The following SLC35B1 variants were observed in gnomAD, a reference collection of about 807,000 sequenced individuals.
SLC35B1 encodes solute carrier family 35 member B1, also known as ATP/ADP exchanger ER.
A neutral mutation model predicts 36.6 loss-of-function variants in SLC35B1; 27 were observed. That is an observed-to-expected ratio of 0.74 (90% CI 0.54 to 1.02). SLC35B1 has a LOEUF of 1.02. SLC35B1 is among the 50% of genes least tolerant of loss of function. The pLI, the probability that SLC35B1 is intolerant of heterozygous loss-of-function variation, is 0.00. For missense variants in SLC35B1, 321 were observed against 383.2 expected (o/e 0.84, Z 1.35); for synonymous variants, 162 against 152.5 (o/e 1.06, Z -0.46).
intron 6 of SLC35B1, 133 bp downstream of exon 6, chr17:49,703,967 G>C (rs1426636534): frequency 8.4e-7 from 1 of 1,196,504 alleles, no homozygotes; most frequent in Non-Finnish European, 1.2e-6. Context: ...GTTTCTCAAG[G>C]GCTTGAACAA....
In SLC35B1 at chr17:49,706,346, C is replaced by CAGAAAAAAA; in HGVS notation, c.209-13_209-12insTTTTTTTCT. 1 of 732,216 alleles carries CAGAAAAAAA rather than the reference C, an allele frequency of 1.4e-6. No individual in the cohort carries two copies. The highest frequency in any genetic ancestry group is 3.3e-5 in the African/African-American group (1 of 30,590). The allele number at this position is 732,216 out of a possible 1,614,324, so 45.4% of individuals were successfully genotyped here. On this transcript the variant is annotated splice_polypyrimidine_tract_variant and intron_variant, in intron 2 of 8. Coordinates refer to ENST00000240333, the MANE Select transcript of SLC35B1 (RefSeq NM_005827.4). Reference sequence around the variant, plus strand: ...AAAAAACTGGATCACTGGGAGAAGACAAAAAAAAAAAAAAAAAAAGAAAAG... The same window carrying CAGAAAAAAA: ...AAAAAACTGGATCACTGGGAGAAGACAGAAAAAAAAAAAAAAAAAAAAAAAAAAGAAAAG...
chr17:49,701,942 AAT>A (rs1555590782), intron 8 of SLC35B1: 9 of 409,696 alleles, frequency 2.2e-5, no homozygotes, highest in African/African-American at 4.2e-5. Context: ...AAAAAAAAAA[AAT>A]TGGTCAGGTA....
chr17:49,702,553 A>G, intron 8 of SLC35B1: 1 of 235,786 alleles, frequency 4.2e-6, no homozygotes, highest in Non-Finnish European at 8.5e-6. Flanking sequence ...ACCAACACGG[A>G]GAAACCCCAT....
Position 49,702,855 on chromosome 17 carries a change from T to C in SLC35B1, c.916+3A>G. On this transcript the variant is annotated splice_donor_region_variant and intron_variant, in intron 8 of 8. Coordinates refer to ENST00000240333, the MANE Select transcript of SLC35B1 (RefSeq NM_005827.4). ...GTCACTGTGTCTCTGTGTGGCCACTTACCCAGGAACACAAGCACAGTGCCC... is the reference window on the plus strand; with the variant it reads ...GTCACTGTGTCTCTGTGTGGCCACTCACCCAGGAACACAAGCACAGTGCCC... 1 of 1,612,598 alleles carries C rather than the reference T, an allele frequency of 6.2e-7. No homozygotes were observed. The highest frequency in any genetic ancestry group is 8.5e-7 in the Non-Finnish European group (1 of 1,178,816).
chr17:49,703,097 T>C, intron 7 of SLC35B1, 86 bp from the exon 8 acceptor site: 3 of 1,595,202 alleles, frequency 1.9e-6, no homozygotes, highest in South Asian at 2.2e-5. Context: ...AGGGCTAATC[T>C]TGCCACCCTC....
At position 49,707,949 on chromosome 17, in the gene SLC35B1, G is replaced by A. The variant is rs544003539; in HGVS notation, c.-116C>T. ...GACCGGCGGCAGGGGCCTCATAGGA[G>A]CTGCATGCGACCGCTGTCCAGCAGG... On this transcript the variant is annotated 5_prime_UTR_variant, in exon 1 of 9. Coordinates refer to ENST00000240333, the MANE Select transcript of SLC35B1 (RefSeq NM_005827.4). The A allele has an allele frequency of 1.3e-4, 207 of 1,552,210 alleles. No homozygotes were observed. In the East Asian group the frequency reaches 4.4e-3, roughly 33 times the overall value.
Position 49,707,851 on chromosome 17 carries a change from C to T in SLC35B1, c.-18G>A. 1 of 1,611,034 alleles carries T rather than the reference C, an allele frequency of 6.2e-7. No homozygotes were observed. The highest frequency in any genetic ancestry group is 8.5e-7 in the Non-Finnish European group (1 of 1,179,486). ...GAGGCCATGAGACGCCCAGAGGAGC[C>T]GACTGGAGACCCGCTCACAACCGGC... On this transcript the variant is annotated 5_prime_UTR_variant, in exon 1 of 9. Transcript: ENST00000240333.
rs2073441520 is a variant in SLC35B1 at position 49,707,877 on chromosome 17, A to G, written c.-44T>C. The G allele has an allele frequency of 1.2e-6, 2 of 1,607,842 alleles. No individual in the cohort carries two copies. Among genetic ancestry groups the G allele is most frequent in the African/African-American group, 2.7e-5 (2 of 74,986 alleles). On this transcript the variant is annotated 5_prime_UTR_variant, in exon 1 of 9. Transcript: ENST00000240333. ...GACTGGAGACCCGCTCACAACCGGC[A>G]CCGGCAGCAGCGGCGGCGGAGGCGA...
chr17:49,703,745 A>T, intron 6 of SLC35B1: 1 of 328,072 alleles, frequency 3.0e-6, no homozygotes, highest in Non-Finnish European at 5.9e-6. Flanking sequence ...AAAGCAAATC[A>T]TTCACATTTG....
In SLC35B1 at chr17:49,705,954, T is replaced by C. The variant is rs1201619380; in HGVS notation, c.340-58A>G. 4 of 1,529,768 alleles carry C rather than the reference T, an allele frequency of 2.6e-6. No homozygotes were observed. In the Admixed American group the frequency reaches 5.0e-5, roughly 19 times the overall value. 94.8% of individuals were successfully genotyped at this position (1,529,768 alleles called of 1,614,324 possible). On this transcript the variant is annotated intron_variant, in intron 3 of 8. Coordinates refer to ENST00000240333, the MANE Select transcript of SLC35B1 (RefSeq NM_005827.4). The stretch of plus-strand genomic sequence containing the variant: ...ATCTGTGATGTGTCAGGTACTATGC[T>C]AGGTACCGCACTGATTAAGATGAGT...
chr17:49,701,882 G>A (rs1364278773), intron 8 of SLC35B1: 1 of 368,026 alleles, frequency 2.7e-6, no homozygotes, highest in East Asian at 7.8e-5. Flanking sequence ...TTGAGCCCAG[G>A]AGTTTAAGGC....
chr17:49,706,374 A>AAT, intron 2 of SLC35B1, 40 bp from the exon 3 acceptor site: 25 of 1,140,314 alleles, frequency 2.2e-5, no homozygotes, highest in Admixed American at 7.1e-5. Flanking sequence ...AAGAAAAGAA[A>AAT]AGAAAAAAAA....
chr17:49,707,670 G>GC, intron 1 of SLC35B1, 60 bp downstream of exon 1: 1 of 1,564,058 alleles, frequency 6.4e-7, no homozygotes, highest in Non-Finnish European at 8.7e-7. Context: ...GAGGCAGAAG[G>GC]CCCGGGATCC....
chr17:49,708,101 G>C (rs1338387832), upstream of SLC35B1: 2 of 726,506 alleles, frequency 2.8e-6, no homozygotes, highest in African/African-American at 3.5e-5. Context: ...GAGGGCCAGG[G>C]GAACCGGCAG....
Position 49,707,946 on chromosome 17 carries a change from G to A in SLC35B1, c.-113C>T, listed in dbSNP as rs1444096535. 4 of 1,553,432 alleles carry A rather than the reference G, an allele frequency of 2.6e-6. No homozygotes were observed. The highest frequency in any genetic ancestry group is 1.2e-5 in the South Asian group (1 of 84,796). On this transcript the variant is annotated 5_prime_UTR_variant, in exon 1 of 9. Coordinates refer to ENST00000240333, the MANE Select transcript of SLC35B1 (RefSeq NM_005827.4). ...GCCGACCGGCGGCAGGGGCCTCATA[G>A]GAGCTGCATGCGACCGCTGTCCAGC...
intron 5 of SLC35B1, 108 bp from the exon 6 acceptor site, chr17:49,704,334 A>G: frequency 7.3e-7 from 1 of 1,374,004 alleles, no homozygotes; most frequent in Non-Finnish European, 1.0e-6. Context: ...ACTGCCTTTA[A>G]AGTCCTCAGA....
intron 2 of SLC35B1, among the ~76,000 whole-genome samples, 163 bp downstream of exon 2, chr17:49,706,802 T>C (rs146688086): frequency 6.6e-6 from 1 of 152,354 alleles, no homozygotes; most frequent in African/African-American, 2.4e-5. Flanking sequence ...TTACTCCACT[T>C]CAAAGTCATT....
chr17:49,705,794 C>T lies in SLC35B1; in HGVS notation c.370+72G>A. 2.8e-6 allele frequency: 4 copies of T among 1,442,708 alleles called. 1 individual carries two copies. Among genetic ancestry groups the T allele is most frequent in the Middle Eastern group, 3.5e-4 (2 of 5,716 alleles). 89.4% of individuals were successfully genotyped at this position (1,442,708 alleles called of 1,614,324 possible). A position where few individuals can be genotyped will look rare whatever the true frequency, so the allele number is the denominator to read the frequency against. On this transcript the variant is annotated intron_variant, in intron 4 of 8. Transcript: ENST00000240333. ...TGGGATGATGAAGCCGAGAGGGACA[C>T]AGTTGTAGCAGAGAGAGAGCTTACT... is the stretch of plus-strand genomic sequence containing the variant.
rs1230898380 is a variant in SLC35B1, at chr17:49,703,946, T to C, written c.655+154A>G. ...CAAACAAATCCTGCTGGTGCAGGTT[T>C]TTCCAGGAAGGTTTCTCAAGGGCTT... On this transcript the variant is annotated intron_variant, in intron 6 of 8. Transcript: ENST00000240333. 3 of 890,836 alleles carry C rather than the reference T, an allele frequency of 3.4e-6. No homozygotes were observed. The East Asian group carries it at 7.9e-5, about 23-fold the overall frequency. 55.2% of individuals were successfully genotyped at this position (890,836 alleles called of 1,614,324 possible). A position where few individuals can be genotyped will look rare whatever the true frequency, so the allele number is the denominator to read the frequency against.
Sources: gnomAD v4.1 joint callset for allele counts (sites outside exome capture counted in the v4.1 genomes callset) on GRCh38, gnomAD v4.1.1 for gene constraint, MANE v1.5 for transcripts, NCBI Gene and HGNC (gene_info 2026-07-23, HGNC 2026-07-21) for gene names.